Variants in GIT2 observed in about 807,000 individuals in gnomAD.
GIT2 encodes ARF GTPase-activating protein GIT2.
In GIT2, 32 loss-of-function variants were observed where a neutral mutation model predicts 100.3. The ratio of observed to expected loss-of-function variants is 0.32; its 90% CI spans 0.24 to 0.43. The LOEUF (loss-of-function observed/expected upper bound fraction) is 0.43, where lower values mean the gene tolerates loss of function less well. Ranked by LOEUF, GIT2 falls within the 20% of genes least tolerant of loss-of-function variation. The pLI, the probability that GIT2 is intolerant of heterozygous loss-of-function variation, is 1.00. For synonymous variants in GIT2, 353 were observed against 364.1 expected, an observed-to-expected ratio of 0.97 and a Z score of 0.35; for missense variants, 737 against 975.1, an observed-to-expected ratio of 0.76 and a Z score of 3.25.
At chr12:109,967,386 T>A (rs1345342453) in intron 8 of GIT2, 72 bp downstream of exon 8, 3 of 1,519,976 alleles carry the variant, frequency 2.0e-6, no homozygotes, top group Admixed American at 3.4e-5. Context: ...CAAAATATAA[T>A]ATACTTAAAC....
At chr12:109,939,886 C>T (rs557032814) in intron 16 of GIT2, 36 of 152,148 alleles carry the variant, frequency 2.4e-4, no homozygotes, top group African/African-American at 8.2e-4. Context: ...GTCTCAGAAA[C>T]AAACAAACAA....
chr12:109,953,410 G>C, intron 12 of GIT2, 176 bp from the exon 13 acceptor site: 1 of 608,672 alleles, frequency 1.6e-6, no homozygotes, highest in Admixed American at 2.9e-5. Flanking sequence ...CTTGAGGCCA[G>C]GAGTTTGAGA....
intron 12 of GIT2, 66 bp from the exon 13 acceptor site, chr12:109,953,300 G>A: frequency 1.3e-6 from 2 of 1,547,554 alleles, no homozygotes; most frequent in Admixed American, 1.7e-5. Context: ...AAAAACTACG[G>A]AGAGGATTTT....
chr12:109,949,122 C>T (rs887883904), intron 14 of GIT2: 12 of 425,970 alleles, frequency 2.8e-5, no homozygotes, highest in African/African-American at 1.8e-4. Context: ...CTCATATCTG[C>T]AATTCCCTTT....
At chr12:109,992,540 A>G (rs1387216130) in intron 1 of GIT2, among the ~76,000 whole-genome samples, 1 of 152,228 alleles carries the variant, frequency 6.6e-6, no homozygotes, top group Non-Finnish European at 1.5e-5. Context: ...ATGAATCAAC[A>G]TGTCAATATG....
At chr12:109,973,023 T>G (rs1884273920) in intron 7 of GIT2, among the ~76,000 whole-genome samples, 1 of 152,066 alleles carries the variant, frequency 6.6e-6, no homozygotes, top group Non-Finnish European at 1.5e-5. Context: ...AGATGGGGTC[T>G]TGCTATGTTG....
chr12:109,948,376 C>G lies in GIT2; in HGVS notation c.1393-872G>C. ...GTCAGCTTTGAACATGCTAATCTGC[C>G]TGGCACCACCCCATTTTAGAGACTG... On this transcript the variant is annotated intron_variant, in intron 14 of 19. Transcript: ENST00000355312. This position sits in a 1 kb window ranked among gnomAD's most constrained non-coding sequence, Gnocchi z 4.3. The G allele has an allele frequency of 1.0e-6, 1 of 994,326 alleles. No homozygotes were observed. The highest frequency in any genetic ancestry group is 4.6e-5 in the South Asian group (1 of 21,780). The allele number at this position is 994,326 out of a possible 1,614,324, so 61.6% of individuals were successfully genotyped here.
intron 4 of GIT2, among the ~76,000 whole-genome samples, chr12:109,987,736 GGGATTACAGGAGTGA>G (rs1887664340): frequency 6.6e-6 from 1 of 152,080 alleles, no homozygotes; most frequent in Non-Finnish European, 1.5e-5. Flanking sequence ...CCAAAGTGCT[GGGATTACAGGAGTGA>G]GCCATCGCAC....
intron 7 of GIT2, among the ~76,000 whole-genome samples, chr12:109,980,725 T>C (rs1342056170): frequency 6.6e-6 from 1 of 152,242 alleles, no homozygotes; most frequent in Non-Finnish European, 1.5e-5. Context: ...GAAATAGTCA[T>C]TTCTCTAGAG....
In GIT2 at chr12:109,989,766, T is replaced by C; in HGVS notation, c.223A>G (p.Ile75Val). 1.2e-6 allele frequency: 2 copies of C among 1,604,948 alleles called. No individual in the cohort carries two copies. ...ETLYNNGANS[I>V]WEHSLLDPAS... The stretch of plus-strand genomic sequence containing the variant: ...GGGTCCAGCAAAGAATGCTCCCATA[T>C]AGAGTTAGCACCGTTATTATACAAG... Residue 75 changes from isoleucine to valine, a missense_variant, in exon 3 of 20, where the codon ATA becomes GTA. Ile to Val is a conservative substitution (Grantham distance 29). Transcript: ENST00000355312.
rs1190015779 is a variant in GIT2 at position 109,932,099 on chromosome 12, A to G, written c.*879T>C. On this transcript the variant is annotated 3_prime_UTR_variant, in exon 20 of 20. Transcript: ENST00000355312. ...GGAGTAGGTGATTTCTTTTCCCTATAGTTCATGGTAGTGATACCTAAATGG... is the reference window on the plus strand; with the variant it reads ...GGAGTAGGTGATTTCTTTTCCCTATGGTTCATGGTAGTGATACCTAAATGG... 1.3e-5 allele frequency: 2 copies of G among 152,228 alleles called. No individual in the cohort carries two copies. Among genetic ancestry groups the G allele is most frequent in the Non-Finnish European group, 2.9e-5 (2 of 68,046 alleles). The allele number at this position is 152,228 out of a possible 1,614,324, so 9.4% of individuals were successfully genotyped here. A position where few individuals can be genotyped will look rare whatever the true frequency, so the allele number is the denominator to read the frequency against.
chr12:109,999,873 T>C (rs1047144815), upstream of GIT2: 3 of 1,220,774 alleles, frequency 2.5e-6, no homozygotes, highest in African/African-American at 1.6e-5. This position sits in a 1 kb window ranked among gnomAD's most constrained non-coding sequence, Gnocchi z 4.3. Context: ...TCCAGCCCTC[T>C]GTCCCCGGGA....
rs181340466 is a variant in GIT2, at chr12:109,986,794, A to C, written c.405+2169T>G. Among the ~76,000 whole-genome samples the C allele has an allele frequency of 2.8e-3, 420 of 151,512 alleles. 2 individuals are homozygous for C. Among genetic ancestry groups the C allele is most frequent in the Middle Eastern group, 0.014 (4 of 294 alleles). On this transcript the variant is annotated intron_variant, in intron 4 of 19. Transcript: ENST00000355312. ...ACAAACAAACAAACAAACAAACAAA[A>C]AAAAACCAAAAGATTAGCTGGGCCT...
At chr12:109,946,406 T>C (rs1029122104) in intron 15 of GIT2, among the ~76,000 whole-genome samples, 2 of 152,032 alleles carry the variant, frequency 1.3e-5, no homozygotes, top group Admixed American at 6.6e-5. Flanking sequence ...ATAATAAACT[T>C]TGACACTCAA....
chr12:109,951,718 T>C (rs151288387), intron 13 of GIT2, among the ~76,000 whole-genome samples: 595 of 152,324 alleles, frequency 3.9e-3, no homozygotes, highest in African/African-American at 0.012. Flanking sequence ...GAGACAAAGA[T>C]TCCTGCTTCC....
intron 7 of GIT2, among the ~76,000 whole-genome samples, chr12:109,980,193 C>T (rs965300462): frequency 1.3e-5 from 2 of 151,930 alleles, no homozygotes; most frequent in Non-Finnish European, 1.5e-5. Context: ...CTCCCAAGTA[C>T]GTGGGACTAC....
chr12:109,999,652 G>T, upstream of GIT2: 1 of 1,492,092 alleles, frequency 6.7e-7, no homozygotes, highest in Non-Finnish European at 9.0e-7. The surrounding 1 kb of genome is among the most constrained non-coding windows in gnomAD (Gnocchi z 4.3). Context: ...CCGAGACTTG[G>T]GGCGGGCGAC....
chr12:109,959,805 G>A lies in GIT2; in HGVS notation c.1099+42C>T, dbSNP rs948436350. 8 of 1,175,290 alleles carry A rather than the reference G, an allele frequency of 6.8e-6. No individual in the cohort carries two copies. In the African/African-American group the frequency reaches 9.0e-5, roughly 13 times the overall value. The allele number at this position is 1,175,290 out of a possible 1,614,324, so 72.8% of individuals were successfully genotyped here. On this transcript the variant is annotated intron_variant, in intron 12 of 19. Transcript: ENST00000355312. ...AACTTTAACACCTGAGTCAAATTTAGAGGGCCAAAAAATGCAAGTGTTTGG... is the reference window on the plus strand; with the variant it reads ...AACTTTAACACCTGAGTCAAATTTAAAGGGCCAAAAAATGCAAGTGTTTGG...
At chr12:109,993,142 T>C (rs1888730252) in intron 1 of GIT2, among the ~76,000 whole-genome samples, 1 of 152,174 alleles carries the variant, frequency 6.6e-6, no homozygotes, top group Non-Finnish European at 1.5e-5. Context: ...AGAGCTTCAT[T>C]AGCTGTCCTT....
Sources: gnomAD v4.1 joint callset for allele counts (sites outside exome capture counted in the v4.1 genomes callset) on GRCh38, gnomAD v4.1.1 for gene constraint, Gnocchi (gnomAD v3.1) non-coding constraint, MANE v1.5 for transcripts, NCBI Gene and HGNC (gene_info 2026-07-23, HGNC 2026-07-21) for gene names.